Variants in KCTD15 observed in about 807,000 individuals in gnomAD.
KCTD15 encodes the protein potassium channel tetramerization domain containing 15.
KCTD15 carries 11 observed loss-of-function variants against 27.2 expected under a neutral mutation model. The observed-to-expected ratio is 0.41, with a 90% CI of 0.25 to 0.67. KCTD15 has a LOEUF of 0.67. Among genes scored for constraint, KCTD15 ranks in the 30% least tolerant of loss-of-function variants. The probability of loss-of-function intolerance (pLI) is 0.35; values close to 1 mark genes in which losing one functional copy is unlikely to be tolerated. For synonymous variants in KCTD15, 163 were observed against 176.0 expected, an observed-to-expected ratio of 0.93 and a Z score of 0.58; for missense variants, 350 against 409.3, an observed-to-expected ratio of 0.86 and a Z score of 1.25.
At chr19:33,807,936 A>C in intron 5 of KCTD15, among the ~76,000 whole-genome samples, 1 of 140,264 alleles carries the variant, frequency 7.1e-6, no homozygotes. Context: ...ACGGAGCAAG[A>C]CTCTGTCTCA....
Position 33,812,845 on chromosome 19 carries a change from G to A in KCTD15, c.749G>A (p.Gly250Asp). The A allele has an allele frequency of 6.5e-7, 1 of 1,537,834 alleles. No homozygotes were observed. The highest frequency in any genetic ancestry group is 1.2e-5 in the South Asian group (1 of 81,786). ...GFSVAASCGG[G>D]VDSSQFSEYV... ...AGCGTGGCTGCGTCCTGTGGGGGCG[G>A]TGTGGACTCCTCCCAGTTCAGCGAG... Residue 250 changes from glycine (G) to aspartate (D), a missense_variant, in exon 7 of 7, where the codon GGT (glycine) becomes GAT (aspartate). Gly to Asp is a moderately conservative substitution (Grantham distance 94). This residue lies in a region of KCTD15 where 219 missense variants were observed against 234.9 expected (regional missense o/e 0.93). Transcript: ENST00000683859.
At chr19:33,794,047 G>A (rs1180421345), upstream of KCTD15, among the ~76,000 whole-genome samples, 1 of 151,974 alleles carries the variant, frequency 6.6e-6, no homozygotes, top group Non-Finnish European at 1.5e-5. Flanking sequence ...CCACTAAATT[G>A]TACATTTTTA....
At chr19:33,797,958 C>A (rs1279056457) in intron 1 of KCTD15, among the ~76,000 whole-genome samples, 1 of 152,172 alleles carries the variant, frequency 6.6e-6, no homozygotes, top group Non-Finnish European at 1.5e-5. Context: ...TCCGCGGCAA[C>A]CCCTCCCAGC....
chr19:33,801,148 G>A lies in KCTD15; in HGVS notation c.67-19G>A, dbSNP rs779234006. On this transcript the variant is annotated intron_variant, in intron 3 of 6. Transcript: ENST00000683859. Reference sequence around the variant, plus strand: ...TTCCGCTTTGAAACTCTTGTGTTCCGCTTTGTTTCCATCTCTAGGAGGGAG... The same window carrying A: ...TTCCGCTTTGAAACTCTTGTGTTCCACTTTGTTTCCATCTCTAGGAGGGAG... 3.3e-5 allele frequency: 52 copies of A among 1,574,134 alleles called. No individual in the cohort carries two copies. Among genetic ancestry groups the A allele is most frequent in the Middle Eastern group, 3.5e-4 (2 of 5,780 alleles).
Position 33,813,022 on chromosome 19 carries a change from T to C in KCTD15, c.*74T>C. The stretch of plus-strand genomic sequence containing the variant: ...GCTGGGGAGTTCTGCCTGTGTATAC[T>C]TGGCCGTGGGCATGAGACCGAGGGT... On this transcript the variant is annotated 3_prime_UTR_variant, in exon 7 of 7. Coordinates refer to ENST00000683859, the MANE Select transcript of KCTD15 (RefSeq NM_001129994.2). The C allele has an allele frequency of 6.9e-7, 1 of 1,440,888 alleles. No homozygotes were observed. The highest frequency in any genetic ancestry group is 9.4e-7 in the Non-Finnish European group (1 of 1,062,724). The allele number at this position is 1,440,888 out of a possible 1,614,324, so 89.3% of individuals were successfully genotyped here. A position where few individuals can be genotyped will look rare whatever the true frequency, so the allele number is the denominator to read the frequency against.
rs1975622470 is a variant in KCTD15, at chr19:33,803,408, C to G, written c.242+2066C>G. The stretch of plus-strand genomic sequence containing the variant: ...CCTAGTGTCACTGATCTAGGAGACA[C>G]CTGGAGATGGAGGACTAAGAGTGCT... On this transcript the variant is annotated intron_variant, in intron 4 of 6. Transcript: ENST00000683859. Among the ~76,000 whole-genome samples the G allele has an allele frequency of 2.6e-5, 4 of 152,226 alleles. No homozygotes were observed. The South Asian group carries it at 8.3e-4, about 32-fold the overall frequency.
intron 3 of KCTD15, among the ~76,000 whole-genome samples, chr19:33,800,844 A>G (rs1246280836): frequency 6.6e-6 from 1 of 152,180 alleles, no homozygotes; most frequent in East Asian, 1.9e-4. Context: ...TCTAACACAT[A>G]AGCCCACGAC....
At chr19:33,799,602 G>T (rs754644088) in intron 2 of KCTD15, 4 of 152,252 alleles carry the variant, frequency 2.6e-5, no homozygotes, top group African/African-American at 9.7e-5. Flanking sequence ...AGGTGACTAC[G>T]GCACAGAGGA....
chr19:33,802,209 GCA>G (rs954554479), intron 4 of KCTD15, among the ~76,000 whole-genome samples: 32 of 148,680 alleles, frequency 2.2e-4, no homozygotes, highest in African/African-American at 6.1e-4. Context: ...TTTGCTCCTG[GCA>G]CAGAGAGGCG....
chr19:33,813,616 C>T lies in KCTD15; in HGVS notation c.*668C>T. Reference sequence around the variant, plus strand: ...TGAGTGATTCTGTAACCACCTGAGACCTTCACGTTTGCTGCCGTTGGGGGC... The same window carrying T: ...TGAGTGATTCTGTAACCACCTGAGATCTTCACGTTTGCTGCCGTTGGGGGC... On this transcript the variant is annotated 3_prime_UTR_variant, in exon 7 of 7. Coordinates refer to ENST00000683859, the MANE Select transcript of KCTD15 (RefSeq NM_001129994.2). 1.6e-5 allele frequency: 5 copies of T among 322,090 alleles called. No homozygotes were observed. The highest frequency in any genetic ancestry group is 2.4e-5 in the Non-Finnish European group (4 of 163,736). The allele number at this position is 322,090 out of a possible 1,614,324, so 20.0% of individuals were successfully genotyped here. A position where few individuals can be genotyped will look rare whatever the true frequency, so the allele number is the denominator to read the frequency against.
rs985828303 is a variant in KCTD15, at chr19:33,815,489, T to C, written c.*2541T>C. On this transcript the variant is annotated 3_prime_UTR_variant, in exon 7 of 7. Coordinates refer to ENST00000683859, the MANE Select transcript of KCTD15 (RefSeq NM_001129994.2). Reference sequence around the variant, plus strand: ...CCAGCCGTATAAATGTTACTTCTGCTCTTTGTAAACCTCAAAACTCATTAT... The same window carrying C: ...CCAGCCGTATAAATGTTACTTCTGCCCTTTGTAAACCTCAAAACTCATTAT... 1.3e-5 allele frequency: 2 copies of C among 152,162 alleles called. No individual in the cohort carries two copies. Among genetic ancestry groups the C allele is most frequent in the Non-Finnish European group, 2.9e-5 (2 of 68,038 alleles). 9.4% of individuals were successfully genotyped at this position (152,162 alleles called of 1,614,324 possible).
intron 6 of KCTD15, 183 bp downstream of exon 6, chr19:33,811,735 C>A: frequency 6.3e-7 from 1 of 1,576,796 alleles, no homozygotes; most frequent in Non-Finnish European, 8.6e-7. Context: ...AATGATGGCG[C>A]CTGGGGGATG....
chr19:33,797,320 A>G, intron 1 of KCTD15: 1 of 411,316 alleles, frequency 2.4e-6, no homozygotes, highest in South Asian at 1.7e-5. Flanking sequence ...AGGTCCCCGC[A>G]CTCTGGCCCC....
Position 33,814,339 on chromosome 19 carries a change from A to G in KCTD15, c.*1391A>G, listed in dbSNP as rs1488957888. The G allele has an allele frequency of 6.6e-6, 1 of 152,190 alleles. No homozygotes were observed. Among genetic ancestry groups the G allele is most frequent in the Non-Finnish European group, 1.5e-5 (1 of 68,046 alleles). The allele number at this position is 152,190 out of a possible 1,614,324, so 9.4% of individuals were successfully genotyped here. ...GGGGCGGAACGGATTCCTCCCTTGG[A>G]TCCTTCAGTTCCCATCGAGGAATAA... On this transcript the variant is annotated 3_prime_UTR_variant, in exon 7 of 7. Transcript: ENST00000683859.
intron 2 of KCTD15, 91 bp from the exon 3 acceptor site, chr19:33,800,337 A>T (rs1261416434): frequency 1.9e-6 from 2 of 1,035,608 alleles, no homozygotes; most frequent in Non-Finnish European, 2.9e-6. Flanking sequence ...CTCAGAGAGC[A>T]TGCAGAAAGG....
intron 1 of KCTD15, among the ~76,000 whole-genome samples, chr19:33,797,979 G>A (rs1206407445): frequency 6.6e-6 from 1 of 152,014 alleles, no homozygotes; most frequent in Admixed American, 6.5e-5. Flanking sequence ...CCAGCCCCGC[G>A]CTTCGGGTGC....
intron 4 of KCTD15, among the ~76,000 whole-genome samples, chr19:33,804,368 A>C (rs1419334171): frequency 6.6e-6 from 1 of 152,226 alleles, no homozygotes; most frequent in South Asian, 2.1e-4. Flanking sequence ...TGGGTGCATC[A>C]GGAGTCTTCT....
chr19:33,803,371 AAATC>A (rs1280474478), intron 4 of KCTD15, among the ~76,000 whole-genome samples: 2 of 152,202 alleles, frequency 1.3e-5, no homozygotes, highest in African/African-American at 4.8e-5. Flanking sequence ...ATTCTGGAAA[AAATC>A]AATCTCACCT....
chr19:33,807,476 C>T (rs527383653), intron 5 of KCTD15, among the ~76,000 whole-genome samples: 1 of 152,316 alleles, frequency 6.6e-6, no homozygotes, highest in South Asian at 2.1e-4. Context: ...GTAATCCCAG[C>T]ACTTTGGGAG....
Sources: allele counts gnomAD v4.1 joint callset (sites outside exome capture counted in the v4.1 genomes callset), GRCh38; gene constraint gnomAD v4.1.1; regional missense constraint gnomAD v4.1.1; transcripts MANE v1.5; gene names NCBI Gene and HGNC (gene_info 2026-07-23, HGNC 2026-07-21).